OPA1: variants seen among roughly 807,000 people sequenced by gnomAD.
OPA1 encodes the protein OPA1 mitochondrial dynamin like GTPase, also known as dynamin-like GTPase OPA1, mitochondrial.
Under a neutral mutation model 152.9 loss-of-function variants are expected in OPA1, and 59 were observed. The observed-to-expected ratio is 0.39, with a 90% confidence interval of 0.31 to 0.48. OPA1 has a LOEUF of 0.48. OPA1 is among the 20% of genes least tolerant of loss of function. The probability of loss-of-function intolerance (pLI) is 0.96; values close to 1 mark genes in which losing one functional copy is unlikely to be tolerated. For missense variants in OPA1, 1,008 were observed against 1,216.8 expected (o/e 0.83, Z 2.55); for synonymous variants, 400 against 389.9 (o/e 1.03, Z -0.31).
At chr3:193,647,452 A>G (rs1193622178) in intron 19 of OPA1, among the ~76,000 whole-genome samples, 1 of 152,208 alleles carries the variant, frequency 6.6e-6, no homozygotes, top group Non-Finnish European at 1.5e-5. Context: ...ACAATAAACT[A>G]TAGAGAATTC....
chr3:193,688,888 A>G (rs951746317), intron 29 of OPA1, among the ~76,000 whole-genome samples: 1 of 152,138 alleles, frequency 6.6e-6, no homozygotes, highest in Non-Finnish European at 1.5e-5. Flanking sequence ...TGGAAGGCTA[A>G]GGTAGGAGAA....
chr3:193,661,464 C>G (rs1335311575), intron 25 of OPA1, among the ~76,000 whole-genome samples: 1 of 152,194 alleles, frequency 6.6e-6, no homozygotes, highest in Non-Finnish European at 1.5e-5. Flanking sequence ...TTTTCAACCT[C>G]ATACCTGGAG....
intron 11 of OPA1, among the ~76,000 whole-genome samples, chr3:193,639,493 A>G (rs1733431135): frequency 6.6e-6 from 1 of 152,198 alleles, no homozygotes. Context: ...AGCTGATGCA[A>G]AGCCTCTGAG....
intron 29 of OPA1, chr3:193,668,859 G>T: frequency 9.4e-7 from 1 of 1,065,768 alleles, no homozygotes; most frequent in South Asian, 3.0e-5. Flanking sequence ...AATTTACTTA[G>T]ATCTTTGAGA....
Position 193,626,196 on chromosome 3 carries a change from G to A in OPA1, c.783G>A (p.Lys261=). ...GQYSTSYAQQ[K]RKVSDKEKID... is the part of the protein sequence containing the mutation. ...ATAGCACGAGCTATGCCCAACAGAA[G>A]CGCAAGGTGATGGATGGTTTAAGGG... is the stretch of plus-strand genomic sequence containing the variant. Residue 261 remains lysine (K), a synonymous_variant, in exon 7 of 31, where the codon AAG becomes AAA. Transcript: ENST00000361510. 3 of 1,613,012 alleles carry A rather than the reference G, an allele frequency of 1.9e-6. No homozygotes were observed. The highest frequency in any genetic ancestry group is 2.5e-6 in the Non-Finnish European group (3 of 1,178,990).
Position 193,662,851 on chromosome 3 carries a change from G to C in OPA1, c.2550G>C (p.Leu850Phe). The C allele has an allele frequency of 6.2e-7, 1 of 1,613,204 alleles. No individual in the cohort carries two copies. The highest frequency in any genetic ancestry group is 8.5e-7 in the Non-Finnish European group (1 of 1,179,298). The stretch of plus-strand genomic sequence containing the variant: ...TTCACAATGAAACCAAGAATGAATT[G>C]GAGAAGATGTTGAAATGTAATGAGG... ...QCVHNETKNELEKMLKCNEEH... is the reference protein window; with the variant it reads ...QCVHNETKNEFEKMLKCNEEH... Residue 850 changes from leucine to phenylalanine, a missense_variant, in exon 26 of 31, where the codon TTG (leucine) becomes TTC (phenylalanine). Transcript: ENST00000361510.
chr3:193,650,988 G>A (rs769161655), intron 21 of OPA1, among the ~76,000 whole-genome samples: 2 of 152,090 alleles, frequency 1.3e-5, no homozygotes, highest in Non-Finnish European at 2.9e-5. Context: ...ACATGAATAA[G>A]TGTTAAGGCA....
intron 30 of OPA1, among the ~76,000 whole-genome samples, chr3:193,693,131 CT>C (rs1410303528): frequency 2.0e-5 from 3 of 152,050 alleles, no homozygotes; most frequent in African/African-American, 7.3e-5. Context: ...GGTTCCCTCC[CT>C]GGCTACGCTC....
In OPA1 at chr3:193,697,179, T is replaced by C. The variant is rs1186883197; in HGVS notation, c.*2579T>C. The stretch of plus-strand genomic sequence containing the variant: ...AATCTTTAGTTAATAATTTTGTATT[T>C]ATTTATTCTAGATGTATGTATCTGA... On this transcript the variant is annotated 3_prime_UTR_variant, in exon 31 of 31. Coordinates refer to ENST00000361510, the MANE Select transcript of OPA1 (RefSeq NM_130837.3). The C allele has an allele frequency of 2.0e-5, 3 of 152,190 alleles. No homozygotes were observed. Among genetic ancestry groups the C allele is most frequent in the African/African-American group, 4.8e-5 (2 of 41,418 alleles). 9.4% of individuals were successfully genotyped at this position (152,190 alleles called of 1,614,324 possible).
chr3:193,692,854 T>C (rs1419420373), intron 30 of OPA1, among the ~76,000 whole-genome samples: 5 of 152,226 alleles, frequency 3.3e-5, no homozygotes, highest in African/African-American at 1.2e-4. Flanking sequence ...CCTCCTGGGC[T>C]CAAGCAGTCC....
At chr3:193,658,180 G>C (rs896412490) in intron 23 of OPA1, among the ~76,000 whole-genome samples, 1 of 151,448 alleles carries the variant, frequency 6.6e-6, no homozygotes, top group African/African-American at 2.4e-5. Context: ...AGGAAGGGGA[G>C]GTTGCGGTTA....
intron 1 of OPA1, among the ~76,000 whole-genome samples, chr3:193,600,606 G>A (rs764587127): frequency 2.6e-5 from 4 of 152,158 alleles, no homozygotes; most frequent in Non-Finnish European, 5.9e-5. Context: ...AGCAGTATTG[G>A]GGTCTGATTG....
chr3:193,635,978 C>A (rs937806201), intron 9 of OPA1, among the ~76,000 whole-genome samples: 1 of 152,036 alleles, frequency 6.6e-6, no homozygotes, highest in Non-Finnish European at 1.5e-5. Flanking sequence ...AAAGAACTTT[C>A]GAAAAAGTGT....
At chr3:193,668,892 T>C in intron 29 of OPA1, 1 of 1,021,474 alleles carries the variant, frequency 9.8e-7, no homozygotes, top group Non-Finnish European at 1.2e-6. Context: ...CAGTGAAACA[T>C]TATTGTTATT....
At chr3:193,674,896 G>A (rs181377108) in intron 29 of OPA1, among the ~76,000 whole-genome samples, 11 of 152,268 alleles carry the variant, frequency 7.2e-5, no homozygotes, top group Admixed American at 2.6e-4. Flanking sequence ...AACTGTTTGC[G>A]GAGGTGGGGC....
intron 9 of OPA1, among the ~76,000 whole-genome samples, chr3:193,636,532 C>A (rs1002990943): frequency 6.6e-6 from 1 of 151,636 alleles, no homozygotes; most frequent in South Asian, 2.1e-4. Context: ...GATGGTACCC[C>A]TTTTTTTCAG....
intron 7 of OPA1, among the ~76,000 whole-genome samples, chr3:193,630,867 T>G (rs1731971753): frequency 6.6e-6 from 1 of 152,198 alleles, no homozygotes; most frequent in Non-Finnish European, 1.5e-5. Context: ...TTTAATATTT[T>G]ATTTTAGAAT....
At chr3:193,676,692 C>T (rs1234108765) in intron 29 of OPA1, among the ~76,000 whole-genome samples, 1 of 152,080 alleles carries the variant, frequency 6.6e-6, no homozygotes, top group Non-Finnish European at 1.5e-5. Context: ...TTAAAAGTCA[C>T]CGTTGTGGCC....
intron 26 of OPA1, among the ~76,000 whole-genome samples, chr3:193,663,950 G>T (rs1443423741): frequency 1.3e-5 from 2 of 152,072 alleles, no homozygotes; most frequent in Non-Finnish European, 2.9e-5. Flanking sequence ...GTTATATTCA[G>T]TTTGACACTT....
Sources: allele counts gnomAD v4.1 joint callset (sites outside exome capture counted in the v4.1 genomes callset), GRCh38; gene constraint gnomAD v4.1.1; transcripts MANE v1.5; gene names NCBI Gene and HGNC (gene_info 2026-07-23, HGNC 2026-07-21).